The following SHB variants were observed in gnomAD, a reference collection of about 807,000 sequenced individuals.
SHB encodes SH2 domain containing adaptor protein B, also known as SH2 domain-containing adapter protein B.
A neutral mutation model predicts 52.3 loss-of-function variants in SHB; 20 were observed. The observed-to-expected ratio is 0.38, with a 90% CI of 0.27 to 0.56. The LOEUF is 0.56. Among genes scored for constraint, SHB ranks in the 20% least tolerant of loss-of-function variants. The pLI is 0.71. For synonymous variants in SHB, 397 were observed against 316.5 expected, an observed-to-expected ratio of 1.25 and a Z score of -2.70; for missense variants, 825 against 723.3, an observed-to-expected ratio of 1.14 and a Z score of -1.61.
intron 2 of SHB, 51 bp downstream of exon 2, chr9:38,015,960 T>G (rs1215687195): frequency 1.3e-6 from 2 of 1,599,028 alleles, no homozygotes; most frequent in African/African-American, 2.7e-5. Flanking sequence ...CTCACTCCCT[T>G]TCTACCCCTA....
chr9:38,015,426 C>A (rs967011407), intron 2 of SHB: 1 of 702,988 alleles, frequency 1.4e-6, no homozygotes, highest in African/African-American at 1.7e-5. Context: ...GTTTTGTCAT[C>A]AAGGGCCAAC....
At chr9:37,937,748 C>T (rs1832390312) in intron 5 of SHB, among the ~76,000 whole-genome samples, 1 of 152,254 alleles carries the variant, frequency 6.6e-6, no homozygotes, top group African/African-American at 2.4e-5. Context: ...CAAGGACTGA[C>T]AATGTCTGTG....
At chr9:37,986,505 T>C (rs1335182285) in intron 2 of SHB, among the ~76,000 whole-genome samples, 3 of 152,172 alleles carry the variant, frequency 2.0e-5, no homozygotes, top group Admixed American at 6.5e-5. Flanking sequence ...ATTGGGTTTG[T>C]GCTTCACATA....
intron 1 of SHB, among the ~76,000 whole-genome samples, chr9:38,065,338 T>C (rs112842273): frequency 3.3e-5 from 5 of 152,310 alleles, no homozygotes; most frequent in African/African-American, 1.2e-4. Context: ...CCAGAGTCTC[T>C]GCATCCCAAG....
intron 2 of SHB, among the ~76,000 whole-genome samples, chr9:38,010,730 C>A (rs1310926645): frequency 6.6e-6 from 1 of 152,216 alleles, no homozygotes; most frequent in East Asian, 1.9e-4. Context: ...TGTGGATGTT[C>A]CTGGAGGGCA....
intron 2 of SHB, among the ~76,000 whole-genome samples, chr9:37,980,348 G>A (rs1224457178): frequency 6.6e-6 from 1 of 152,226 alleles, no homozygotes; most frequent in East Asian, 1.9e-4. Context: ...ATCAGGAATA[G>A]ATTCTATCTC....
At chr9:38,040,535 T>G (rs748419519) in intron 1 of SHB, among the ~76,000 whole-genome samples, 1 of 152,204 alleles carries the variant, frequency 6.6e-6, no homozygotes, top group Non-Finnish European at 1.5e-5. Context: ...CCCCAGCCAC[T>G]GCATGCCATA....
At chr9:38,043,923 C>T (rs552919339) in intron 1 of SHB, among the ~76,000 whole-genome samples, 85 of 152,260 alleles carry the variant, frequency 5.6e-4, no homozygotes, top group African/African-American at 2.0e-3. Context: ...AGAAACCATT[C>T]TCCCTGAACG....
intron 5 of SHB, among the ~76,000 whole-genome samples, chr9:37,935,626 C>A (rs985848016): frequency 6.6e-6 from 1 of 152,070 alleles, no homozygotes; most frequent in African/African-American, 2.4e-5. Context: ...TGCATTTATG[C>A]CTCACAACGA....
At chr9:37,976,904 T>G (rs570046162) in intron 2 of SHB, among the ~76,000 whole-genome samples, 35 of 152,316 alleles carry the variant, frequency 2.3e-4, no homozygotes, top group Admixed American at 1.1e-3. Flanking sequence ...AGAGCTGCTT[T>G]CAGGCTGGGC....
chr9:37,977,270 T>A (rs979858272), intron 2 of SHB, among the ~76,000 whole-genome samples: 2 of 152,186 alleles, frequency 1.3e-5, no homozygotes, highest in African/African-American at 4.8e-5. Flanking sequence ...GCTGGGAAGC[T>A]GAGCGTGGGG....
At chr9:38,067,858 G>A in intron 1 of SHB, 71 bp downstream of exon 1, 1 of 1,383,728 alleles carries the variant, frequency 7.2e-7, no homozygotes, top group Admixed American at 3.2e-5. Flanking sequence ...ACACCAGAGC[G>A]GCGGGTGCCT....
intron 1 of SHB, among the ~76,000 whole-genome samples, chr9:38,032,644 G>A (rs1333193034): frequency 6.6e-6 from 1 of 152,218 alleles, no homozygotes; most frequent in East Asian, 1.9e-4. Context: ...GCTTCCGCCT[G>A]CAGCCTTTGA....
At chr9:37,920,815 T>C (rs79001770) in intron 5 of SHB, among the ~76,000 whole-genome samples, 4,302 of 152,316 alleles carry the variant, frequency 0.028, 98 homozygotes, top group East Asian at 0.11. Flanking sequence ...GAGCATGCCA[T>C]GGAGCAGGGC....
At chr9:37,947,881 C>A (rs1376915043) in intron 5 of SHB, among the ~76,000 whole-genome samples, 1 of 152,228 alleles carries the variant, frequency 6.6e-6, no homozygotes, top group Admixed American at 6.5e-5. Flanking sequence ...AGTTATGTCA[C>A]CAGCTCTCTA....
intron 3 of SHB, among the ~76,000 whole-genome samples, chr9:37,972,614 G>A (rs1424846454): frequency 6.6e-6 from 1 of 152,218 alleles, no homozygotes; most frequent in East Asian, 1.9e-4. Flanking sequence ...CCTGTGGAGT[G>A]CATGGCTGTG....
Position 37,917,404 on chromosome 9 carries a change from C to A in SHB, c.*2417G>T, listed in dbSNP as rs1832114104. 6.6e-6 allele frequency among the ~76,000 whole-genome samples: 1 copy of A among 152,178 alleles called. No homozygotes were observed. The highest frequency in any genetic ancestry group is 1.5e-5 in the Non-Finnish European group (1 of 68,032). ...GGCCAGAGGGCACAGCTGCCAGCTT[C>A]CACTGAGACCCTCCCAGAGCCTTTT... On this transcript the variant is annotated 3_prime_UTR_variant, in exon 6 of 6. Coordinates refer to ENST00000377707, the MANE Select transcript of SHB (RefSeq NM_003028.3).
At chr9:37,920,281 AAAAC>A (rs770947895) in intron 5 of SHB, among the ~76,000 whole-genome samples, 7 of 20,758 alleles carry the variant, frequency 3.4e-4, no homozygotes, top group Non-Finnish European at 7.8e-4. Context: ...TCAGAAAAAC[AAAAC>A]AAAACAAAAC....
At chr9:37,973,224 G>T (rs1364686887) in intron 3 of SHB, among the ~76,000 whole-genome samples, 3 of 152,074 alleles carry the variant, frequency 2.0e-5, no homozygotes, top group Non-Finnish European at 2.9e-5. Flanking sequence ...TGCCTTTTCC[G>T]AATTTTTTTA....
Sources: allele counts gnomAD v4.1 joint callset (sites outside exome capture counted in the v4.1 genomes callset), GRCh38; gene constraint gnomAD v4.1.1; transcripts MANE v1.5; gene names NCBI Gene and HGNC (gene_info 2026-07-23, HGNC 2026-07-21).